The following MOV10 variants were observed in gnomAD, a reference collection of about 807,000 sequenced individuals.
The protein encoded by MOV10 is Mov10 RNA helicase, also known as RNA helicase MOV-10.
In MOV10, 39 loss-of-function variants were observed where a neutral mutation model predicts 108.4. The ratio of observed to expected loss-of-function variants is 0.36; its 90% CI spans 0.28 to 0.47. The LOEUF is 0.47. Ranked by LOEUF, MOV10 falls within the 20% of genes least tolerant of loss-of-function variation. MOV10 has a pLI of 1.00. For synonymous variants in MOV10, 490 were observed against 523.1 expected, an observed-to-expected ratio of 0.94 and a Z score of 0.86; for missense variants, 952 against 1,297.6, an observed-to-expected ratio of 0.73 and a Z score of 4.09.
Position 112,690,098 on chromosome 1 carries a change from G to T in MOV10, c.836G>T (p.Arg279Leu). Residue 279 changes from arginine (R) to leucine (L), a missense_variant and splice_region_variant, in exon 5 of 21, where the codon CGC becomes CTC. Around this residue, in one of 5 missense-constraint regions of MOV10, gnomAD observed 374 missense variants for 468.6 expected, o/e 0.80. Coordinates refer to ENST00000369645, the MANE Select transcript of MOV10 (RefSeq NM_001321324.2). ...ATAGAGGAAGGAGAGAGACCTGACC[G>T]GTAACTCCTCCCTCCAACTCAGCCC... ...NRIEEGERPD[R>L]AKGYDLELSM... is the part of the protein sequence containing the mutation. 2.5e-6 allele frequency: 4 copies of T among 1,612,432 alleles called. No homozygotes were observed. Among genetic ancestry groups the T allele is most frequent in the East Asian group, 2.2e-5 (1 of 44,848 alleles).
Position 112,689,978 on chromosome 1 carries a change from C to G in MOV10, c.716C>G (p.Ala239Gly). ...ACATTCTACATTGCCCGCTTCTTGGCTGCCGTCGCCCACAGCCCCCTGGCT... is the reference window on the plus strand; with the variant it reads ...ACATTCTACATTGCCCGCTTCTTGGGTGCCGTCGCCCACAGCCCCCTGGCT... ...AGTFYIARFLAAVAHSPLAAQ... is the reference protein window; with the variant it reads ...AGTFYIARFLGAVAHSPLAAQ... Residue 239 changes from alanine to glycine, a missense_variant, in exon 5 of 21, where the codon GCT becomes GGT. Transcript: ENST00000369645. The G allele has an allele frequency of 1.2e-6, 2 of 1,614,146 alleles. No homozygotes were observed. The highest frequency in any genetic ancestry group is 1.7e-6 in the Non-Finnish European group (2 of 1,180,042).
At chr1:112,674,525 G>C (rs1672022826), upstream of MOV10, 2 of 159,780 alleles carry the variant, frequency 1.3e-5, no homozygotes, top group African/African-American at 4.8e-5. Context: ...GGGTGGGCGT[G>C]AGGGTAGCCC....
chr1:112,685,114 G>A (rs1294874889), intron 2 of MOV10: 1 of 151,840 alleles, frequency 6.6e-6, no homozygotes, highest in Non-Finnish European at 1.5e-5. Flanking sequence ...TGACCTCCTG[G>A]GCTCAAGTGA....
chr1:112,687,771 C>T (rs1256447950), intron 2 of MOV10, among the ~76,000 whole-genome samples: 2 of 152,126 alleles, frequency 1.3e-5, no homozygotes, highest in African/African-American at 4.8e-5. Context: ...GTCAAAATCT[C>T]ATGTAAACCT....
chr1:112,696,284 G>T (rs185830681), intron 12 of MOV10, 33 bp downstream of exon 12: 1 of 1,525,676 alleles, frequency 6.6e-7, no homozygotes, highest in Non-Finnish European at 9.1e-7. Flanking sequence ...TCTCTGAATC[G>T]TAAGTGTAAT....
At chr1:112,692,610 C>T (rs1261717272) in intron 6 of MOV10, 151 bp from the exon 7 acceptor site, 2 of 1,132,928 alleles carry the variant, frequency 1.8e-6, no homozygotes, top group East Asian at 2.6e-5. Context: ...GCCTCTGACT[C>T]TCATCCACTT....
chr1:112,686,619 C>T (rs1329607827), intron 2 of MOV10, among the ~76,000 whole-genome samples: 1 of 152,164 alleles, frequency 6.6e-6, no homozygotes, highest in Non-Finnish European at 1.5e-5. Flanking sequence ...CAGCTTCTGA[C>T]TCGTGGAGCT....
At position 112,694,088 on chromosome 1, in the gene MOV10, A is replaced by G; in HGVS notation, c.1211A>G (p.Glu404Gly). The G allele has an allele frequency of 6.2e-7, 1 of 1,613,936 alleles. No individual in the cohort carries two copies. The highest frequency in any genetic ancestry group is 8.5e-7 in the Non-Finnish European group (1 of 1,179,944). ...CACCTGTTTGCCCTTTTGTCCTCGG[A>G]GACACACCAGGAGGACCCCATCACA... is the stretch of plus-strand genomic sequence containing the variant. Reference protein sequence around the residue: ...GDHLFALLSSETHQEDPITYK... With the variant: ...GDHLFALLSSGTHQEDPITYK... Residue 404 changes from glutamate (E) to glycine (G), a missense_variant, in exon 8 of 21, where the codon GAG becomes GGG. Around this residue, in one of 5 missense-constraint regions of MOV10, gnomAD observed 453 missense variants for 611.5 expected, o/e 0.74. Transcript: ENST00000369645. The surrounding 1 kb of genome is among the most constrained non-coding windows in gnomAD (Gnocchi z 4.1).
At chr1:112,699,480 TCAG>T (rs1463586893) in intron 17 of MOV10, 30 of 1,423,250 alleles carry the variant, frequency 2.1e-5, no homozygotes, top group Non-Finnish European at 2.5e-5. Flanking sequence ...GCCCCAGCCC[TCAG>T]CAGGATTCAA....
chr1:112,695,314 T>G, intron 10 of MOV10, 102 bp from the exon 11 acceptor site: 1 of 1,207,100 alleles, frequency 8.3e-7, no homozygotes, highest in Non-Finnish European at 1.2e-6. Context: ...AATCTTGGAG[T>G]CACCATTCAC....
intron 2 of MOV10, among the ~76,000 whole-genome samples, chr1:112,684,178 A>C (rs1435686573): frequency 1.3e-5 from 2 of 149,332 alleles, no homozygotes; most frequent in African/African-American, 5.0e-5. Context: ...CTGATATCAA[A>C]CTCCTGGGCT....
rs770427303 is a variant in MOV10, at chr1:112,694,193, G to T, written c.1295+21G>T. The T allele has an allele frequency of 2.1e-5, 34 of 1,613,828 alleles. No homozygotes were observed. The Middle Eastern group carries it at 8.2e-4, about 39-fold the overall frequency. On this transcript the variant is annotated intron_variant, in intron 8 of 20. Transcript: ENST00000369645. The surrounding 1 kb of genome is among the most constrained non-coding windows in gnomAD (Gnocchi z 4.1). ...ATGAGGTGGGTGTTGGGGGAACCCT[G>T]AGCTGCTGGAAGGGTCTACAGACTT...
In MOV10 at chr1:112,681,075, T is replaced by C. The variant is rs182601587; in HGVS notation, c.137+6026T>C. 1.3e-3 allele frequency among the ~76,000 whole-genome samples: 195 copies of C among 152,238 alleles called. 4 individuals are homozygous for C. The highest frequency in any genetic ancestry group is 4.5e-3 in the African/African-American group (186 of 41,476). On this transcript the variant is annotated intron_variant, in intron 2 of 20. Transcript: ENST00000369645. The stretch of plus-strand genomic sequence containing the variant: ...ACACACGTGGGATCATTATCACATA[T>C]CATTTTTATTGTGGACCCCTCCCCT...
chr1:112,697,958 A>T (rs754494106), intron 14 of MOV10, 36 bp from the exon 15 acceptor site: 1 of 1,565,888 alleles, frequency 6.4e-7, no homozygotes, highest in East Asian at 2.2e-5. Flanking sequence ...AGGGAATCTG[A>T]CCCTTGGTCT....
chr1:112,682,155 A>C (rs948332049), intron 2 of MOV10, among the ~76,000 whole-genome samples: 9 of 152,158 alleles, frequency 5.9e-5, no homozygotes, highest in African/African-American at 2.2e-4. Flanking sequence ...TTGGCCTCCC[A>C]AAGTGCTGGG....
chr1:112,689,394 C>A, intron 3 of MOV10, 21 bp from the exon 4 acceptor site: 2 of 1,499,136 alleles, frequency 1.3e-6, no homozygotes, highest in Non-Finnish European at 1.9e-6. Flanking sequence ...CCAACCCCCC[C>A]TTGACTCCCC....
Position 112,674,844 on chromosome 1 carries a change from C to T in MOV10, c.-65-4C>T, listed in dbSNP as rs111343088. On this transcript the variant is annotated splice_region_variant and splice_polypyrimidine_tract_variant and intron_variant, in intron 1 of 20. Transcript: ENST00000369645. ...ACCCTCATCTCAGGGCCGCCAACTT[C>T]CAGCTGCAGCGGCGACTTTCAGTTT... 1 of 1,483,624 alleles carries T rather than the reference C, an allele frequency of 6.7e-7. No homozygotes were observed. The highest frequency in any genetic ancestry group is 1.5e-5 in the African/African-American group (1 of 67,870). 91.9% of individuals were successfully genotyped at this position (1,483,624 alleles called of 1,614,324 possible).
At position 112,689,000 on chromosome 1, in the gene MOV10, A is replaced by G. The variant is rs142716470; in HGVS notation, c.203A>G (p.Tyr68Cys). 1.6e-5 allele frequency: 25 copies of G among 1,612,428 alleles called. No individual in the cohort carries two copies. The highest frequency in any genetic ancestry group is 1.9e-5 in the Non-Finnish European group (23 of 1,180,028). The stretch of plus-strand genomic sequence containing the variant: ...GGAATGAAGATTGCAAATCTGGCCT[A>G]CGTCACCAAGACTCGGGTCAGGTTC... ...LYGMKIANLA[Y>C]VTKTRVRFFR... The change falls in exon 3 of 21, where the codon TAC becomes TGC. Residue 68 changes from tyrosine to cysteine, a missense_variant. Coordinates refer to ENST00000369645, the MANE Select transcript of MOV10 (RefSeq NM_001321324.2).
chr1:112,698,255 T>C (rs778970023), intron 15 of MOV10, 32 bp from the exon 16 acceptor site: 4 of 1,605,236 alleles, frequency 2.5e-6, no homozygotes, highest in Admixed American at 3.4e-5. Flanking sequence ...GAGGGTGGTC[T>C]GGCTGACGGT....
Sources: allele counts gnomAD v4.1 joint callset (sites outside exome capture counted in the v4.1 genomes callset), GRCh38; gene constraint gnomAD v4.1.1; regional missense constraint gnomAD v4.1.1; non-coding constraint Gnocchi (gnomAD v3.1); transcripts MANE v1.5; gene names NCBI Gene and HGNC (gene_info 2026-07-23, HGNC 2026-07-21).